FAF1: variants seen among roughly 807,000 people sequenced by gnomAD.
FAF1 encodes Fas associated factor 1.
FAF1 carries 25 observed loss-of-function variants against 92.5 expected under a neutral mutation model. That is an observed-to-expected ratio of 0.27 (90% CI 0.20 to 0.38). The LOEUF is 0.38. Among genes scored for constraint, FAF1 ranks in the 10% least tolerant of loss-of-function variants. The pLI, the probability that FAF1 is intolerant of heterozygous loss-of-function variation, is 1.00. For missense variants in FAF1, 636 were observed against 793.3 expected (o/e 0.80, Z 2.38); for synonymous variants, 234 against 273.2 (o/e 0.86, Z 1.42).
intron 15 of FAF1, among the ~76,000 whole-genome samples, chr1:50,518,753 T>C (rs1256593481): frequency 6.6e-6 from 1 of 152,174 alleles, no homozygotes; most frequent in Non-Finnish European, 1.5e-5. Flanking sequence ...AGTTTTTGTG[T>C]GAATCTAAGT....
intron 2 of FAF1, among the ~76,000 whole-genome samples, chr1:50,819,754 T>TATATATACGTATATATATATAC (rs1644022529): frequency 1.0e-4 from 5 of 48,480 alleles, no homozygotes; most frequent in African/African-American, 4.0e-4. Context: ...TATATATACA[T>TATATATACGTATATATATATAC]ATATATATAC....
intron 4 of FAF1, among the ~76,000 whole-genome samples, chr1:50,753,737 C>T (rs1659961982): frequency 6.6e-6 from 1 of 151,028 alleles, no homozygotes; most frequent in Admixed American, 6.6e-5. Flanking sequence ...ATAATAACTG[C>T]TCTAATGTCA....
intron 1 of FAF1, among the ~76,000 whole-genome samples, chr1:50,907,919 G>T (rs181479159): frequency 0.054 from 8,172 of 152,040 alleles, 298 homozygotes; most frequent in African/African-American, 0.096. Flanking sequence ...GCTAGCTTTT[G>T]AATGTGTTTG....
At chr1:50,613,665 G>T (rs1301439936) in intron 8 of FAF1, among the ~76,000 whole-genome samples, 7 of 151,624 alleles carry the variant, frequency 4.6e-5, no homozygotes, top group Non-Finnish European at 7.4e-5. Context: ...AATACACAAG[G>T]AATTATACTT....
intron 12 of FAF1, among the ~76,000 whole-genome samples, chr1:50,579,690 C>G (rs1186027888): frequency 6.6e-6 from 1 of 152,070 alleles, no homozygotes; most frequent in Non-Finnish European, 1.5e-5. Context: ...AGGAAACAAT[C>G]ACACAAATCC....
chr1:50,801,917 A>G (rs1180329649), intron 2 of FAF1, among the ~76,000 whole-genome samples: 1 of 152,188 alleles, frequency 6.6e-6, no homozygotes, highest in Non-Finnish European at 1.5e-5. Context: ...CTTGAGTCAT[A>G]AAGTCTAGTT....
intron 4 of FAF1, among the ~76,000 whole-genome samples, chr1:50,787,480 G>A (rs115797810): frequency 0.013 from 1,972 of 152,222 alleles, 42 homozygotes; most frequent in African/African-American, 0.043. Flanking sequence ...CCACTTAGGC[G>A]GATACAGCAT....
At chr1:50,908,917 A>G (rs1175125690) in intron 1 of FAF1, among the ~76,000 whole-genome samples, 2 of 152,210 alleles carry the variant, frequency 1.3e-5, no homozygotes, top group African/African-American at 4.8e-5. Context: ...TCCTGTCTTC[A>G]TGATGTTAGC....
At chr1:50,577,537 A>G (rs1160553122) in intron 12 of FAF1, among the ~76,000 whole-genome samples, 2 of 152,202 alleles carry the variant, frequency 1.3e-5, no homozygotes, top group African/African-American at 4.8e-5. Context: ...AAAGAAAAGA[A>G]AAGAGAAGAG....
intron 4 of FAF1, among the ~76,000 whole-genome samples, chr1:50,785,321 AAAC>A (rs972907885): frequency 5.9e-5 from 9 of 152,066 alleles, no homozygotes; most frequent in African/African-American, 2.2e-4. Context: ...ACAGAAAAGT[AAAC>A]AACAGAGTAA....
chr1:50,834,230 TC>T (rs1313368837), intron 2 of FAF1, among the ~76,000 whole-genome samples: 1 of 152,184 alleles, frequency 6.6e-6, no homozygotes. Flanking sequence ...TCCTGAGGCC[TC>T]CCCAGCCATG....
intron 1 of FAF1, among the ~76,000 whole-genome samples, chr1:50,896,294 A>G (rs1202929659): frequency 1.3e-5 from 2 of 152,094 alleles, no homozygotes; most frequent in African/African-American, 4.8e-5. Flanking sequence ...AAAAAAAAAG[A>G]GTATATGGAT....
chr1:50,876,167 T>G (rs1177835054), intron 1 of FAF1, among the ~76,000 whole-genome samples: 1 of 152,190 alleles, frequency 6.6e-6, no homozygotes, highest in African/African-American at 2.4e-5. Flanking sequence ...TTGAGCAGGC[T>G]TCGTGCTTCT....
At chr1:50,601,921 A>ATT (rs1431037294) in intron 8 of FAF1, among the ~76,000 whole-genome samples, 1 of 152,126 alleles carries the variant, frequency 6.6e-6, no homozygotes, top group Non-Finnish European at 1.5e-5. Flanking sequence ...AGAATAAGAC[A>ATT]TTTTAAGAGT....
chr1:50,743,778 A>C (rs1284049162), intron 5 of FAF1, among the ~76,000 whole-genome samples: 1 of 152,096 alleles, frequency 6.6e-6, no homozygotes, highest in African/African-American at 2.4e-5. Context: ...CTGGAAGAAA[A>C]AAAAGTGTGT....
At chr1:50,767,878 A>C (rs1660637759) in intron 4 of FAF1, among the ~76,000 whole-genome samples, 1 of 152,198 alleles carries the variant, frequency 6.6e-6, no homozygotes, top group Admixed American at 6.5e-5. Flanking sequence ...CCCTACAAAC[A>C]ATTACACAAT....
chr1:50,887,267 T>C (rs1644674253), intron 1 of FAF1, among the ~76,000 whole-genome samples: 1 of 152,232 alleles, frequency 6.6e-6, no homozygotes, highest in Non-Finnish European at 1.5e-5. Flanking sequence ...TTGTAGGTTC[T>C]GGATATTAGC....
Position 50,838,913 on chromosome 1 carries a change from T to C in FAF1, c.114+19016A>G, listed in dbSNP as rs183101961. On this transcript the variant is annotated intron_variant, in intron 2 of 18. Coordinates refer to ENST00000396153, the MANE Select transcript of FAF1 (RefSeq NM_007051.3). ...TTATACACTAACACTGGAAGCTGAA[T>C]ATATGTTTCCAGTATTCACTACCAA... is the stretch of plus-strand genomic sequence containing the variant. 2.6e-5 allele frequency among the ~76,000 whole-genome samples: 4 copies of C among 152,262 alleles called. No homozygotes were observed. In the East Asian group the frequency reaches 5.8e-4, roughly 22 times the overall value.
intron 5 of FAF1, among the ~76,000 whole-genome samples, chr1:50,742,386 G>A (rs958344229): frequency 1.4e-5 from 2 of 145,774 alleles, no homozygotes; most frequent in Non-Finnish European, 3.0e-5. Flanking sequence ...AATTTGGGAG[G>A]GGGGGTGTGG....
Sources: allele counts gnomAD v4.1 joint callset (sites outside exome capture counted in the v4.1 genomes callset), GRCh38; gene constraint gnomAD v4.1.1; transcripts MANE v1.5; gene names NCBI Gene and HGNC (gene_info 2026-07-23, HGNC 2026-07-21).